The following CSNK1A1 variants were observed in gnomAD, a reference collection of about 807,000 sequenced individuals.
CSNK1A1 encodes casein kinase 1 alpha 1.
In CSNK1A1, 7 loss-of-function variants were observed where a neutral mutation model predicts 46.1. The observed-to-expected ratio is 0.15, with a 90% CI of 0.09 to 0.29. CSNK1A1 has a LOEUF of 0.29. CSNK1A1 is among the 10% of genes least tolerant of loss of function. The pLI is 1.00. For synonymous variants in CSNK1A1, 137 were observed against 141.5 expected (o/e 0.97, Z 0.23); for missense variants, 96 against 417.1 (o/e 0.23, Z 6.71).
intron 4 of CSNK1A1, among the ~76,000 whole-genome samples, chr5:149,516,345 CCA>C (rs1761402920): frequency 1.2e-5 from 1 of 84,842 alleles, no homozygotes; most frequent in South Asian, 4.3e-4. Context: ...AAAAAACCCC[CCA>C]AAAAAAACAA....
At chr5:149,500,586 C>A (rs1346465412) in intron 9 of CSNK1A1, among the ~76,000 whole-genome samples, 1 of 149,478 alleles carries the variant, frequency 6.7e-6, no homozygotes, top group East Asian at 2.0e-4. Flanking sequence ...CTTTTTTTTT[C>A]TTTTCTTTTT....
chr5:149,520,833 C>A (rs1761544976), intron 3 of CSNK1A1, among the ~76,000 whole-genome samples: 1 of 152,158 alleles, frequency 6.6e-6, no homozygotes, highest in African/African-American at 2.4e-5. Flanking sequence ...CAAACAGATA[C>A]ACATATACTT....
chr5:149,546,509 TG>T (rs1025885106), intron 2 of CSNK1A1, among the ~76,000 whole-genome samples: 18 of 151,992 alleles, frequency 1.2e-4, no homozygotes, highest in South Asian at 8.3e-4. Flanking sequence ...AGCACGTGCC[TG>T]TAGTCCCAGC....
intron 2 of CSNK1A1, among the ~76,000 whole-genome samples, chr5:149,532,694 C>T (rs528767878): frequency 3.3e-5 from 5 of 152,248 alleles, no homozygotes; most frequent in South Asian, 2.1e-4. Context: ...ATCTACCCCC[C>T]ACAAAAATCA....
intron 2 of CSNK1A1, among the ~76,000 whole-genome samples, chr5:149,544,922 G>A (rs1376863088): frequency 6.6e-6 from 1 of 150,974 alleles, no homozygotes; most frequent in Non-Finnish European, 1.5e-5. Context: ...GATCATCTGA[G>A]GTCAGGAGTT....
Position 149,550,334 on chromosome 5 carries a change from C to T in CSNK1A1, c.124-153G>A, listed in dbSNP as rs542097052. Reference sequence around the variant, plus strand: ...AGCTCTCGGTAATTATAAAACGAGGCAACCAGCCTCAAAGGCCTCTTCAGG... The same window carrying T: ...AGCTCTCGGTAATTATAAAACGAGGTAACCAGCCTCAAAGGCCTCTTCAGG... On this transcript the variant is annotated intron_variant, in intron 1 of 9. Transcript: ENST00000377843. The surrounding 1 kb of genome is among the most constrained non-coding windows in gnomAD (Gnocchi z 4.3). The T allele has an allele frequency of 1.4e-6, 2 of 1,431,882 alleles. No individual in the cohort carries two copies. Among genetic ancestry groups the T allele is most frequent in the Non-Finnish European group, 1.8e-6 (2 of 1,097,392 alleles). 88.7% of individuals were successfully genotyped at this position (1,431,882 alleles called of 1,614,324 possible).
chr5:149,549,589 T>C lies in CSNK1A1; in HGVS notation c.230+486A>G, dbSNP rs1198206120. ...GGCAGGAATATGGGGTTGAGTCACG[T>C]CGTTCCGCCATTTTCTAAGCGGAGG... On this transcript the variant is annotated intron_variant, in intron 2 of 9. Transcript: ENST00000377843. 3 of 677,474 alleles carry C rather than the reference T, an allele frequency of 4.4e-6. No homozygotes were observed. The South Asian group carries it at 4.5e-5, about 10-fold the overall frequency. 42.0% of individuals were successfully genotyped at this position (677,474 alleles called of 1,614,324 possible). A position where few individuals can be genotyped will look rare whatever the true frequency, so the allele number is the denominator to read the frequency against.
intron 2 of CSNK1A1, among the ~76,000 whole-genome samples, chr5:149,534,730 G>T (rs531324305): frequency 6.6e-6 from 1 of 151,362 alleles, no homozygotes; most frequent in African/African-American, 2.4e-5. Flanking sequence ...CAGGTGGTTC[G>T]AGATTAGCCT....
chr5:149,498,318 A>G (rs1374908535), intron 9 of CSNK1A1: 10 of 985,322 alleles, frequency 1.0e-5, no homozygotes, highest in African/African-American at 3.5e-5. Context: ...TAAGCACCAA[A>G]TGCCAAAAAT....
intron 9 of CSNK1A1, chr5:149,498,744 CTAAT>C (rs1760732878): frequency 1.2e-5 from 12 of 985,136 alleles, no homozygotes; most frequent in Non-Finnish European, 1.4e-5. Flanking sequence ...TCATATTAAA[CTAAT>C]TGTTATGGTG....
At position 149,525,240 on chromosome 5, in the gene CSNK1A1, T is replaced by A; in HGVS notation, c.231-69A>T. On this transcript the variant is annotated intron_variant, in intron 2 of 9. Transcript: ENST00000377843. The surrounding 1 kb of genome is among the most constrained non-coding windows in gnomAD (Gnocchi z 4.2). ...TACTTAATATCATCAACCCTAAGAA[T>A]AATATAGTTTTCTTTCACTGACTAG... 1.5e-6 allele frequency: 2 copies of A among 1,374,646 alleles called. No individual in the cohort carries two copies. Among genetic ancestry groups the A allele is most frequent in the Non-Finnish European group, 9.6e-7 (1 of 1,038,826 alleles). 85.2% of individuals were successfully genotyped at this position (1,374,646 alleles called of 1,614,324 possible). A position where few individuals can be genotyped will look rare whatever the true frequency, so the allele number is the denominator to read the frequency against.
In CSNK1A1 at chr5:149,525,316, A is replaced by G. The variant is rs1761692724; in HGVS notation, c.231-145T>C. 1.2e-6 allele frequency: 1 copy of G among 853,400 alleles called. No individual in the cohort carries two copies. Among genetic ancestry groups the G allele is most frequent in the African/African-American group, 1.7e-5 (1 of 57,622 alleles). The allele number at this position is 853,400 out of a possible 1,614,324, so 52.9% of individuals were successfully genotyped here. On this transcript the variant is annotated intron_variant, in intron 2 of 9. Transcript: ENST00000377843. This position sits in a 1 kb window ranked among gnomAD's most constrained non-coding sequence, Gnocchi z 4.2. ...TACTCAGAAGACAAACCCACTAATT[A>G]ACTACAAGGCCCAAAGACAAAACAA...
intron 2 of CSNK1A1, among the ~76,000 whole-genome samples, chr5:149,543,875 G>A (rs915305141): frequency 9.9e-5 from 15 of 151,914 alleles, no homozygotes; most frequent in Non-Finnish European, 7.4e-5. Flanking sequence ...CACTCCGCCC[G>A]GGTGACAGAG....
At chr5:149,529,779 T>G in intron 2 of CSNK1A1, 2 of 456,044 alleles carry the variant, frequency 4.4e-6, no homozygotes, top group Non-Finnish European at 8.8e-6. Context: ...TTAAAATCAG[T>G]AATTATTAGC....
chr5:149,509,960 A>G lies in CSNK1A1; in HGVS notation c.676-7T>C, dbSNP rs1306312728. 4.4e-6 allele frequency: 7 copies of G among 1,584,322 alleles called. 1 individual carries two copies. In the African/African-American group the frequency reaches 9.4e-5, roughly 21 times the overall value. ...TTTGTTTCTTTGTTGCAGCCTGTGGAAAAGAATAAAATAAAAAAGATATAC... is the reference window on the plus strand; with the variant it reads ...TTTGTTTCTTTGTTGCAGCCTGTGGGAAAGAATAAAATAAAAAAGATATAC... On this transcript the variant is annotated splice_polypyrimidine_tract_variant and splice_region_variant and intron_variant, in intron 6 of 9. Transcript: ENST00000377843.
intron 2 of CSNK1A1, among the ~76,000 whole-genome samples, chr5:149,548,580 G>T (rs1329312130): frequency 1.3e-5 from 2 of 150,170 alleles, no homozygotes; most frequent in Non-Finnish European, 3.0e-5. Flanking sequence ...AGAAAAAAAA[G>T]CCGGGCACAG....
At chr5:149,537,787 G>C (rs1762107410) in intron 2 of CSNK1A1, among the ~76,000 whole-genome samples, 1 of 86,698 alleles carries the variant, frequency 1.2e-5, no homozygotes, top group Non-Finnish European at 2.3e-5. Flanking sequence ...TCCTACTGTT[G>C]CAATTAACTA....
At chr5:149,506,017 C>T (rs950587061) in intron 8 of CSNK1A1, among the ~76,000 whole-genome samples, 1 of 151,930 alleles carries the variant, frequency 6.6e-6, no homozygotes, top group African/African-American at 2.4e-5. Flanking sequence ...ACCTCCGTCT[C>T]GCAGGTTCAA....
At chr5:149,513,249 T>G (rs1561756823) in intron 4 of CSNK1A1, 40 bp from the exon 5 acceptor site, 3 of 1,575,404 alleles carry the variant, frequency 1.9e-6, no homozygotes, top group Non-Finnish European at 1.7e-6. Context: ...TTTCCAACCT[T>G]GTTCAATTAA....
Sources: gnomAD v4.1 joint callset for allele counts (sites outside exome capture counted in the v4.1 genomes callset) on GRCh38, gnomAD v4.1.1 for gene constraint, Gnocchi (gnomAD v3.1) non-coding constraint, MANE v1.5 for transcripts, NCBI Gene and HGNC (gene_info 2026-07-23, HGNC 2026-07-21) for gene names.